SHPK: variants seen among roughly 807,000 people sequenced by gnomAD.
SHPK encodes the protein sedoheptulokinase, also known as carbohydrate kinase-like protein.
Under a neutral mutation model 46.3 loss-of-function variants are expected in SHPK, and 51 were observed. That is an observed-to-expected ratio of 1.10 (90% CI 0.88 to 1.39). The LOEUF (loss-of-function observed/expected upper bound fraction) is 1.39. Ranked by LOEUF, SHPK falls within the 40% of genes most tolerant of loss-of-function variation. SHPK has a pLI of 0.00. For missense variants in SHPK, 668 were observed against 641.3 expected, an observed-to-expected ratio of 1.04 and a Z score of -0.45; for synonymous variants, 290 against 273.9, an observed-to-expected ratio of 1.06 and a Z score of -0.58.
Position 3,630,347 on chromosome 17 carries a change from CT to C in SHPK, c.169-2del. ...TTCTACTCACATCCTGCTCCCGCCC[CT>C]GGAAGCAAAAGAGAACACATGGGCA... On this transcript the variant is annotated splice_acceptor_variant, in intron 1 of 6. Transcript: ENST00000225519. LOFTEE classifies it high-confidence loss of function. 6.2e-7 allele frequency: 1 copy of C among 1,606,672 alleles called. No individual in the cohort carries two copies. Among genetic ancestry groups the C allele is most frequent in the Middle Eastern group, 1.7e-4 (1 of 6,004 alleles).
Position 3,624,197 on chromosome 17 carries a change from C to T in SHPK, c.345G>A (p.Val115=). 3 of 1,613,898 alleles carry T rather than the reference C, an allele frequency of 1.9e-6. No individual in the cohort carries two copies. Among genetic ancestry groups the T allele is most frequent in the Non-Finnish European group, 2.5e-6 (3 of 1,179,784 alleles). Residue 115 remains valine (V), a synonymous_variant, in exon 3 of 7, where the codon GTG becomes GTA. Coordinates refer to ENST00000225519, the MANE Select transcript of SHPK (RefSeq NM_013276.4). ...CEWTEGGITP[V]FEPRAVSHLV... is the part of the protein sequence containing the mutation. Reference sequence around the variant, plus strand: ...GGTGGCTAACAGCTCGGGGCTCGAACACCGGGGTAATCCCTCCCTCTGTCC... The same window carrying T: ...GGTGGCTAACAGCTCGGGGCTCGAATACCGGGGTAATCCCTCCCTCTGTCC...
chr17:3,626,959 G>C (rs161370), intron 2 of SHPK, among the ~76,000 whole-genome samples: 1 of 152,032 alleles, frequency 6.6e-6, no homozygotes, highest in Admixed American at 6.6e-5. Context: ...TCGACATTAC[G>C]GAACATTTTG....
chr17:3,618,148 C>G (rs575956578), intron 5 of SHPK, among the ~76,000 whole-genome samples: 20 of 152,218 alleles, frequency 1.3e-4, no homozygotes, highest in African/African-American at 4.6e-4. Context: ...ACTCTGTTGC[C>G]CAGGCTGGAG....
At chr17:3,633,317 G>A (rs2075484697) in intron 1 of SHPK, among the ~76,000 whole-genome samples, 1 of 151,454 alleles carries the variant, frequency 6.6e-6, no homozygotes, top group African/African-American at 2.4e-5. Context: ...CCTACTCGGG[G>A]TGGTCTTGTC....
intron 2 of SHPK, among the ~76,000 whole-genome samples, chr17:3,627,827 A>G (rs2150873798): frequency 6.6e-6 from 1 of 151,840 alleles, no homozygotes; most frequent in African/African-American, 2.4e-5. Context: ...AAGGACATTT[A>G]TTCTCATTAA....
chr17:3,611,122 G>A, intron 6 of SHPK, 150 bp from the exon 7 acceptor site: 1 of 735,514 alleles, frequency 1.4e-6, no homozygotes, highest in East Asian at 2.7e-5. Flanking sequence ...GACTGCTATA[G>A]CCAGGCTAGC....
At chr17:3,635,120 C>G (rs2075502421) in intron 1 of SHPK, among the ~76,000 whole-genome samples, 1 of 150,186 alleles carries the variant, frequency 6.7e-6, no homozygotes, top group South Asian at 2.1e-4. Context: ...TGCAGTGAGC[C>G]CAGATCACGC....
chr17:3,621,522 C>G, intron 4 of SHPK, 110 bp from the exon 5 acceptor site: 11 of 949,602 alleles, frequency 1.2e-5, no homozygotes, highest in East Asian at 2.7e-5. Flanking sequence ...CTCCCTTCTT[C>G]CTTTCCTTTC....
At chr17:3,623,897 C>T (rs553403229) in intron 3 of SHPK, 151 bp downstream of exon 3, 1 of 737,304 alleles carries the variant, frequency 1.4e-6, no homozygotes, top group Middle Eastern at 4.0e-4. Flanking sequence ...GGTTCTGGAC[C>T]CAATCGAGGT....
In SHPK at chr17:3,610,272, G is replaced by C. The variant is rs2075328247; in HGVS notation, c.*288C>G. On this transcript the variant is annotated 3_prime_UTR_variant, in exon 7 of 7. Coordinates refer to ENST00000225519, the MANE Select transcript of SHPK (RefSeq NM_013276.4). ...CACAGATGAGCCTGCTGACCAGCAG[G>C]CTGGGCTACTGTGCTCTCATGCTCT... is the stretch of plus-strand genomic sequence containing the variant. The C allele has an allele frequency of 2.8e-6, 1 of 354,286 alleles. No homozygotes were observed. The highest frequency in any genetic ancestry group is 5.3e-6 in the Non-Finnish European group (1 of 189,950). The allele number at this position is 354,286 out of a possible 1,614,324, so 21.9% of individuals were successfully genotyped here. A position where few individuals can be genotyped will look rare whatever the true frequency, so the allele number is the denominator to read the frequency against.
Position 3,636,189 on chromosome 17 carries a change from C to T in SHPK, c.31G>A (p.Asp11Asn). MAARPITLGI[D>N]LGTTSVKAAL... ...GCCTTCACAGATGTGGTGCCCAGGT[C>T]AATGCCGAGGGTGATCGGCCGCGCA... The change falls in exon 1 of 7, where the codon GAC becomes AAC. Residue 11 changes from aspartate to asparagine, a missense_variant. By Grantham distance (23) the Asp-to-Asn change is conservative (BLOSUM62 1). Transcript: ENST00000225519. 6.2e-7 allele frequency: 1 copy of T among 1,609,840 alleles called. No homozygotes were observed. The highest frequency in any genetic ancestry group is 1.3e-5 in the African/African-American group (1 of 74,720).
intron 5 of SHPK, among the ~76,000 whole-genome samples, chr17:3,618,301 T>C (rs2075379637): frequency 6.6e-6 from 1 of 151,944 alleles, no homozygotes; most frequent in East Asian, 1.9e-4. Flanking sequence ...GAGATGGGTT[T>C]TCACCATCTT....
rs772549902 is a variant in SHPK, at chr17:3,610,682, C to T, written c.1315G>A (p.Val439Met). The part of the protein sequence containing the change: ...GSGSALSRND[V>M]LKQEVQRAFP... ...GCCCTCTGCACCTCCTGCTTCAGCACGTCATTCCTGGACAGCGCACTCCCA... is the reference window on the plus strand; with the variant it reads ...GCCCTCTGCACCTCCTGCTTCAGCATGTCATTCCTGGACAGCGCACTCCCA... Residue 439 changes from valine (V) to methionine (M), a missense_variant, in exon 7 of 7, where the codon GTG becomes ATG. By Grantham distance (21) the Val-to-Met change is conservative. Transcript: ENST00000225519. 16 of 1,614,140 alleles carry T rather than the reference C, an allele frequency of 9.9e-6. No homozygotes were observed. Among genetic ancestry groups the T allele is most frequent in the South Asian group, 3.3e-5 (3 of 91,084 alleles).
chr17:3,629,449 G>A (rs913660493), intron 2 of SHPK, among the ~76,000 whole-genome samples: 3 of 152,104 alleles, frequency 2.0e-5, no homozygotes, highest in African/African-American at 4.8e-5. Flanking sequence ...AGGATATGCC[G>A]GCCGGGCATG....
intron 5 of SHPK, among the ~76,000 whole-genome samples, chr17:3,618,308 T>C (rs566107292): frequency 2.1e-4 from 32 of 152,080 alleles, no homozygotes; most frequent in African/African-American, 7.5e-4. Context: ...GTTTTCACCA[T>C]CTTGGCCAAG....
At chr17:3,634,288 T>G (rs1157949490) in intron 1 of SHPK, among the ~76,000 whole-genome samples, 3 of 148,216 alleles carry the variant, frequency 2.0e-5, no homozygotes, top group Non-Finnish European at 4.5e-5. Context: ...AAAGTGGCCA[T>G]GCTGGGTGCG....
At position 3,619,327 on chromosome 17, in the gene SHPK, G is replaced by A. The variant is rs760711651; in HGVS notation, c.823+1910C>T. 4.9e-5 allele frequency: 56 copies of A among 1,132,948 alleles called. 1 individual carries two copies. In the South Asian group the frequency reaches 5.3e-4, roughly 11 times the overall value. 70.2% of individuals were successfully genotyped at this position (1,132,948 alleles called of 1,614,324 possible). ...CTTTTGATCAGTCCACCACAGTTAC[G>A]TGAGGTGAGAGTTATCTGGACCTTG... is the stretch of plus-strand genomic sequence containing the variant. On this transcript the variant is annotated intron_variant, in intron 5 of 6. Coordinates refer to ENST00000225519, the MANE Select transcript of SHPK (RefSeq NM_013276.4).
chr17:3,624,368 C>G, intron 2 of SHPK, 137 bp from the exon 3 acceptor site: 2 of 766,006 alleles, frequency 2.6e-6, no homozygotes, highest in Admixed American at 2.8e-5. Flanking sequence ...CCTATGGGTC[C>G]TGATAGCACT....
chr17:3,629,071 T>G (rs556238969), intron 2 of SHPK, among the ~76,000 whole-genome samples: 17 of 152,296 alleles, frequency 1.1e-4, no homozygotes, highest in African/African-American at 4.1e-4. Context: ...CTTGCAGCTC[T>G]GGTCCTCCAT....
Sources: gnomAD v4.1 joint callset for allele counts (sites outside exome capture counted in the v4.1 genomes callset) on GRCh38, gnomAD v4.1.1 for gene constraint, MANE v1.5 for transcripts, NCBI Gene and HGNC (gene_info 2026-07-23, HGNC 2026-07-21) for gene names.